Variants in ITGA11 observed in about 807,000 individuals in gnomAD.
The protein encoded by ITGA11 is integrin subunit alpha 11.
A neutral mutation model predicts 141.9 loss-of-function variants in ITGA11; 97 were observed. That is an observed-to-expected ratio of 0.68 (90% CI 0.58 to 0.81). The LOEUF (loss-of-function observed/expected upper bound fraction) is 0.81. ITGA11 is among the 30% of genes least tolerant of loss of function. The probability of loss-of-function intolerance (pLI) is 0.00; values close to 1 mark genes in which losing one functional copy is unlikely to be tolerated. For missense variants in ITGA11, 1,387 were observed against 1,559.2 expected, an observed-to-expected ratio of 0.89 and a Z score of 1.86; for synonymous variants, 658 against 624.6, an observed-to-expected ratio of 1.05 and a Z score of -0.80.
At chr15:68,314,737 C>T (rs939952092) in intron 22 of ITGA11, among the ~76,000 whole-genome samples, 6 of 152,156 alleles carry the variant, frequency 3.9e-5, no homozygotes, top group Admixed American at 2.0e-4. Context: ...CCAAGTTTGC[C>T]ACGTGGTGTG....
chr15:68,322,391 G>A lies in ITGA11; in HGVS notation c.2323-888C>T, dbSNP rs141292189. ...TTGAGGAGGCTGCCACAACATTCGGGCAAGAGATGACGCTGGTGTCGGTGT... is the reference window on the plus strand; with the variant it reads ...TTGAGGAGGCTGCCACAACATTCGGACAAGAGATGACGCTGGTGTCGGTGT... On this transcript the variant is annotated intron_variant, in intron 18 of 29. Transcript: ENST00000315757. This position sits in a 1 kb window ranked among gnomAD's most constrained non-coding sequence, Gnocchi z 5.6. Among the ~76,000 whole-genome samples the A allele has an allele frequency of 6.6e-6, 1 of 152,258 alleles. No homozygotes were observed. The highest frequency in any genetic ancestry group is 1.5e-5 in the Non-Finnish European group (1 of 68,012).
chr15:68,384,358 C>T (rs1895933635), intron 2 of ITGA11, among the ~76,000 whole-genome samples: 1 of 152,048 alleles, frequency 6.6e-6, no homozygotes, highest in African/African-American at 2.4e-5. Context: ...GAGCTGTCTG[C>T]AGGCCACATC....
intron 24 of ITGA11, among the ~76,000 whole-genome samples, chr15:68,312,437 C>G (rs1441403409): frequency 6.6e-6 from 1 of 152,166 alleles, no homozygotes; most frequent in African/African-American, 2.4e-5. Flanking sequence ...AAGACCCACT[C>G]CTGAATGACT....
intron 1 of ITGA11, among the ~76,000 whole-genome samples, chr15:68,404,492 T>C (rs947147052): frequency 2.0e-5 from 3 of 152,148 alleles, no homozygotes; most frequent in Non-Finnish European, 2.9e-5. Flanking sequence ...AACAACAAAA[T>C]AGCACCTCAC....
intron 19 of ITGA11, among the ~76,000 whole-genome samples, chr15:68,320,938 C>T (rs1355897892): frequency 2.0e-5 from 3 of 152,166 alleles, no homozygotes. Context: ...TCATTATTTT[C>T]CCTTGTATGT....
Position 68,312,867 on chromosome 15 carries a change from C to T in ITGA11, c.2883-4G>A, listed in dbSNP as rs200167081. On this transcript the variant is annotated splice_polypyrimidine_tract_variant and splice_region_variant and intron_variant, in intron 23 of 29. Coordinates refer to ENST00000315757, the MANE Select transcript of ITGA11 (RefSeq NM_001004439.2). ...GTAGTGGCTCAGGCTGCTGCTCCTG[C>T]GGAGACAGAGGACAGGGCTGTCGTG... is the stretch of plus-strand genomic sequence containing the variant. 3.9e-5 allele frequency: 62 copies of T among 1,608,288 alleles called. No individual in the cohort carries two copies. In the East Asian group the frequency reaches 7.8e-4, roughly 20 times the overall value.
At position 68,313,713 on chromosome 15, in the gene ITGA11, C is replaced by G. The variant is rs182003271; in HGVS notation, c.2882+66G>C. 4.1e-4 allele frequency: 517 copies of G among 1,274,162 alleles called. 3 individuals carry two copies. In the African/African-American group the frequency reaches 6.4e-3, roughly 16 times the overall value. The allele number at this position is 1,274,162 out of a possible 1,614,324, so 78.9% of individuals were successfully genotyped here. A position where few individuals can be genotyped will look rare whatever the true frequency, so the allele number is the denominator to read the frequency against. ...TTAGGGCCCATCAGAGGATGCCCCC[C>G]CTTAGGCCTCCCTCCTCCCATTCCC... On this transcript the variant is annotated intron_variant, in intron 23 of 29. Transcript: ENST00000315757.
intron 2 of ITGA11, among the ~76,000 whole-genome samples, chr15:68,394,473 A>G (rs1384665207): frequency 6.6e-6 from 1 of 152,170 alleles, no homozygotes; most frequent in Non-Finnish European, 1.5e-5. Context: ...GAGGAAATAT[A>G]TAGCCTTATA....
intron 2 of ITGA11, among the ~76,000 whole-genome samples, chr15:68,372,158 G>A (rs1337207380): frequency 1.3e-5 from 2 of 152,150 alleles, no homozygotes; most frequent in African/African-American, 4.8e-5. Flanking sequence ...AGAGGGCCTG[G>A]GTCAGCCCTT....
At chr15:68,382,506 G>T (rs1302517667) in intron 2 of ITGA11, among the ~76,000 whole-genome samples, 3 of 152,212 alleles carry the variant, frequency 2.0e-5, no homozygotes, top group African/African-American at 7.2e-5. Flanking sequence ...GCTTCCCCAA[G>T]ATTTACCTTG....
At chr15:68,369,422 G>T (rs1226146381) in intron 2 of ITGA11, 138 bp from the exon 3 acceptor site, 1 of 642,332 alleles carries the variant, frequency 1.6e-6, no homozygotes, top group Non-Finnish European at 2.8e-6. Context: ...ACCACATGCA[G>T]ACCCTCAGGC....
Position 68,304,505 on chromosome 15 carries a change from A to G in ITGA11, c.3382-620T>C, listed in dbSNP as rs1220980574. On this transcript the variant is annotated intron_variant, in intron 28 of 29. Transcript: ENST00000315757. The surrounding 1 kb of genome is among the most constrained non-coding windows in gnomAD (Gnocchi z 6.1). The stretch of plus-strand genomic sequence containing the variant: ...CTATGGAGGAAGGTGTCCCAAAGGC[A>G]AAAGTGGCCAGGGCGTGAAGGTCAG... 6.6e-6 allele frequency among the ~76,000 whole-genome samples: 1 copy of G among 152,216 alleles called. No individual in the cohort carries two copies. Among genetic ancestry groups the G allele is most frequent in the Non-Finnish European group, 1.5e-5 (1 of 68,032 alleles).
intron 1 of ITGA11, among the ~76,000 whole-genome samples, chr15:68,404,118 T>C (rs1467692786): frequency 6.6e-6 from 1 of 151,922 alleles, no homozygotes; most frequent in Non-Finnish European, 1.5e-5. Context: ...CTCATTTTCC[T>C]CCTCTCTCCT....
rs531462235 is a variant in ITGA11, at chr15:68,323,259, G to C, written c.2323-1756C>G. On this transcript the variant is annotated intron_variant, in intron 18 of 29. Coordinates refer to ENST00000315757, the MANE Select transcript of ITGA11 (RefSeq NM_001004439.2). ...CCGTTTGGGAAAGGAACTTAGTTCA[G>C]GATAGGGGCTTTACGGCATTCTAGC... Among the ~76,000 whole-genome samples the C allele has an allele frequency of 4.4e-4, 67 of 152,310 alleles. 1 individual carries two copies. Among genetic ancestry groups the C allele is most frequent in the Admixed American group, 2.4e-3 (36 of 15,298 alleles).
chr15:68,364,879 G>T, intron 3 of ITGA11, 81 bp from the exon 4 acceptor site: 2 of 1,360,072 alleles, frequency 1.5e-6, no homozygotes, highest in South Asian at 1.2e-5. Context: ...CTGGTCACCC[G>T]AGGTGCCTCC....
intron 10 of ITGA11, among the ~76,000 whole-genome samples, chr15:68,341,495 C>T (rs1389772898): frequency 6.6e-6 from 1 of 152,216 alleles, no homozygotes; most frequent in African/African-American, 2.4e-5. Flanking sequence ...CAAGGTCACA[C>T]AGCAAGTCAG....
At chr15:68,417,881 A>G (rs1449723190) in intron 1 of ITGA11, among the ~76,000 whole-genome samples, 1 of 152,178 alleles carries the variant, frequency 6.6e-6, no homozygotes, top group East Asian at 1.9e-4. Context: ...CTTCTCCCTC[A>G]CAACATCTTC....
chr15:68,331,705 C>T (rs1894161679), intron 14 of ITGA11, among the ~76,000 whole-genome samples, 154 bp downstream of exon 14: 1 of 151,834 alleles, frequency 6.6e-6, no homozygotes, highest in Non-Finnish European at 1.5e-5. Context: ...TTCAAAATTT[C>T]CACTTGGGGA....
At chr15:68,350,575 GC>G in intron 9 of ITGA11, 41 bp downstream of exon 9, 1 of 1,578,388 alleles carries the variant, frequency 6.3e-7, no homozygotes, top group Non-Finnish European at 8.7e-7. Flanking sequence ...CCTGACATAA[GC>G]CCAGGAGAGA....
Sources: gnomAD v4.1 joint callset for allele counts (sites outside exome capture counted in the v4.1 genomes callset) on GRCh38, gnomAD v4.1.1 for gene constraint, Gnocchi (gnomAD v3.1) non-coding constraint, MANE v1.5 for transcripts, NCBI Gene and HGNC (gene_info 2026-07-23, HGNC 2026-07-21) for gene names.